Variants in SNX29 observed in about 807,000 individuals in gnomAD.
The protein encoded by SNX29 is sorting nexin 29.
Under a neutral mutation model 102.1 loss-of-function variants are expected in SNX29, and 78 were observed. The ratio of observed to expected loss-of-function variants is 0.76; its 90% confidence interval spans 0.64 to 0.92. The LOEUF (loss-of-function observed/expected upper bound fraction) is 0.92, where lower values mean the gene tolerates loss of function less well. Ranked by LOEUF, SNX29 falls within the 40% of genes least tolerant of loss-of-function variation. SNX29 has a pLI of 0.00. For synonymous variants in SNX29, 580 were observed against 414.5 expected, an observed-to-expected ratio of 1.40 and a Z score of -4.85; for missense variants, 1,280 against 1,061.7, an observed-to-expected ratio of 1.21 and a Z score of -2.86.
In SNX29 at chr16:12,477,817, G is replaced by A. The variant is rs756977266; in HGVS notation, c.2136G>A (p.Val712=). ...AGTTACAAAACAAGTACCCTCAAGT[G>A]AGGGCCTACAACTTCCCACCCAAAA... is the stretch of plus-strand genomic sequence containing the variant. ...HHKLQNKYPQ[V]RAYNFPPKKA... The change falls in exon 19 of 21, where the codon GTG becomes GTA. Residue 712 remains valine (V), a synonymous_variant. Transcript: ENST00000566228. 14 of 1,612,936 alleles carry A rather than the reference G, an allele frequency of 8.7e-6. No individual in the cohort carries two copies. In the African/African-American group the frequency reaches 1.9e-4, roughly 22 times the overall value.
chr16:12,496,514 T>TTTTC (rs926999311), intron 19 of SNX29, among the ~76,000 whole-genome samples: 19 of 147,220 alleles, frequency 1.3e-4, no homozygotes, highest in African/African-American at 4.6e-4. Flanking sequence ...TGGCTTTTTT[T>TTTTC]TTTTTTTTTT....
intron 19 of SNX29, among the ~76,000 whole-genome samples, chr16:12,510,372 G>C (rs562089672): frequency 6.6e-6 from 1 of 152,228 alleles, no homozygotes; most frequent in Admixed American, 6.5e-5. Flanking sequence ...AACAGATGAG[G>C]CCAAACTGCA....
At chr16:12,474,273 A>G (rs761522485) in intron 18 of SNX29, among the ~76,000 whole-genome samples, 3 of 152,224 alleles carry the variant, frequency 2.0e-5, no homozygotes, top group Non-Finnish European at 4.4e-5. Context: ...AGTGCCTGGG[A>G]TAGGACTCAA....
intron 13 of SNX29, among the ~76,000 whole-genome samples, chr16:12,173,051 A>G (rs1313486176): frequency 1.3e-5 from 2 of 152,218 alleles, no homozygotes; most frequent in Non-Finnish European, 2.9e-5. Context: ...CCAAAGAACA[A>G]AGAGAGGGTT....
chr16:12,478,862 C>T (rs141211491), intron 19 of SNX29, among the ~76,000 whole-genome samples: 1 of 152,190 alleles, frequency 6.6e-6, no homozygotes, highest in Non-Finnish European at 1.5e-5. Flanking sequence ...AGTGATTGCA[C>T]TCTGCGACCA....
chr16:12,539,322 G>A (rs1191386319), intron 20 of SNX29, among the ~76,000 whole-genome samples: 5 of 148,762 alleles, frequency 3.4e-5, no homozygotes, highest in South Asian at 2.1e-4. Context: ...CTCTAGTTTT[G>A]TCTTTTCAAG....
intron 3 of SNX29, among the ~76,000 whole-genome samples, chr16:12,014,403 C>G (rs2056778608): frequency 6.6e-6 from 1 of 151,920 alleles, no homozygotes; most frequent in African/African-American, 2.4e-5. Flanking sequence ...CTGTCTATAC[C>G]AGGGAGGACA....
chr16:12,294,269 G>A (rs2079903173), intron 15 of SNX29, among the ~76,000 whole-genome samples: 1 of 152,136 alleles, frequency 6.6e-6, no homozygotes, highest in Non-Finnish European at 1.5e-5. Flanking sequence ...CCTGTCACCC[G>A]TCATCTCTTG....
chr16:12,571,345 T>C lies in SNX29; in HGVS notation c.*2716T>C, dbSNP rs2079183411. On this transcript the variant is annotated 3_prime_UTR_variant, in exon 21 of 21. Transcript: ENST00000566228. ...TCAGCCTGGATTCAATTCTGAGGGC[T>C]AAGCCACGACCTTATCCATGAGTGG... 4.3e-6 allele frequency: 1 copy of C among 231,438 alleles called. No individual in the cohort carries two copies. Among genetic ancestry groups the C allele is most frequent in the South Asian group, 1.8e-4 (1 of 5,526 alleles). 14.3% of individuals were successfully genotyped at this position (231,438 alleles called of 1,614,324 possible). A position where few individuals can be genotyped will look rare whatever the true frequency, so the allele number is the denominator to read the frequency against.
At chr16:12,561,802 G>A (rs573590354) in intron 20 of SNX29, among the ~76,000 whole-genome samples, 2 of 152,242 alleles carry the variant, frequency 1.3e-5, no homozygotes, top group East Asian at 3.9e-4. Flanking sequence ...CCTGGCAGGG[G>A]GCTCATTACC....
intron 20 of SNX29, among the ~76,000 whole-genome samples, chr16:12,543,640 G>C (rs1449101939): frequency 2.0e-5 from 3 of 151,938 alleles, no homozygotes; most frequent in African/African-American, 7.3e-5. Context: ...CGCAGCTGGT[G>C]CCGTCTGTCT....
rs1384892290 is a variant in SNX29, at chr16:12,570,977, C to G, written c.*2348C>G. 1.7e-5 allele frequency: 4 copies of G among 232,380 alleles called. No individual in the cohort carries two copies. In the East Asian group the frequency reaches 2.4e-4, roughly 14 times the overall value. The allele number at this position is 232,380 out of a possible 1,614,324, so 14.4% of individuals were successfully genotyped here. ...ATCCCCAGCTGCCTGCTCCTGGTAC[C>G]TCCCCCATGATCATGCACAGACCGT... On this transcript the variant is annotated 3_prime_UTR_variant, in exon 21 of 21. Transcript: ENST00000566228.
intron 1 of SNX29, among the ~76,000 whole-genome samples, chr16:11,996,153 C>T (rs1242469580): frequency 6.6e-6 from 1 of 152,116 alleles, no homozygotes; most frequent in Non-Finnish European, 1.5e-5. Flanking sequence ...CCTATTATCC[C>T]AGCTGTTTGG....
intron 11 of SNX29, among the ~76,000 whole-genome samples, chr16:12,125,676 C>G (rs2054184401): frequency 7.9e-6 from 1 of 125,866 alleles, no homozygotes; most frequent in Non-Finnish European, 1.6e-5. Context: ...CAGGCTGGTC[C>G]TGAACTCCTG....
chr16:12,240,473 A>C (rs926182099), intron 14 of SNX29, among the ~76,000 whole-genome samples: 2 of 146,570 alleles, frequency 1.4e-5, no homozygotes, highest in African/African-American at 5.1e-5. Context: ...TCAGTTTTTT[A>C]GTATTGAGTC....
intron 19 of SNX29, among the ~76,000 whole-genome samples, chr16:12,510,016 C>G (rs1352988164): frequency 2.6e-5 from 4 of 152,244 alleles, no homozygotes; most frequent in Non-Finnish European, 4.4e-5. Flanking sequence ...AGTCCTCATT[C>G]TTTGGCTTGG....
chr16:12,185,877 G>A (rs576377616), intron 13 of SNX29, among the ~76,000 whole-genome samples: 5 of 152,218 alleles, frequency 3.3e-5, no homozygotes, highest in African/African-American at 7.2e-5. Flanking sequence ...TCAGATGCAA[G>A]TTGCAAGATA....
At chr16:12,042,472 C>T (rs1233045739) in intron 4 of SNX29, among the ~76,000 whole-genome samples, 1 of 152,156 alleles carries the variant, frequency 6.6e-6, no homozygotes, top group Non-Finnish European at 1.5e-5. Context: ...CGTCTGTGCT[C>T]TCCTCCCTCT....
At chr16:12,185,337 G>T (rs1162723825) in intron 13 of SNX29, among the ~76,000 whole-genome samples, 9 of 152,166 alleles carry the variant, frequency 5.9e-5, no homozygotes, top group Admixed American at 5.9e-4. Context: ...TGCTCTGAGG[G>T]TGCCCAGGCC....
Sources: allele counts gnomAD v4.1 joint callset (sites outside exome capture counted in the v4.1 genomes callset), GRCh38; gene constraint gnomAD v4.1.1; transcripts MANE v1.5; gene names NCBI Gene and HGNC (gene_info 2026-07-23, HGNC 2026-07-21).